GCNT2: variants seen among roughly 807,000 people sequenced by gnomAD.
GCNT2 encodes N-acetyllactosaminide beta-1,6-N-acetylglucosaminyl-transferase.
In GCNT2, 34 loss-of-function variants were observed where a neutral mutation model predicts 34.2. That is an observed-to-expected ratio of 1.00 (90% CI 0.76 to 1.32). The LOEUF is 1.32. Among genes scored for constraint, GCNT2 ranks in the 40% most tolerant of loss-of-function variants. The pLI, the probability that GCNT2 is intolerant of heterozygous loss-of-function variation, is 0.00. For missense variants in GCNT2, 584 were observed against 489.4 expected (o/e 1.19, Z -1.82); for synonymous variants, 212 against 188.0 (o/e 1.13, Z -1.04).
intron 4 of GCNT2, among the ~76,000 whole-genome samples, chr6:10,622,948 C>A (rs1037856558): frequency 2.6e-5 from 4 of 151,464 alleles, no homozygotes; most frequent in Admixed American, 6.6e-5. Flanking sequence ...AGAGACGGGG[C>A]TTCACCATGT....
At chr6:10,543,871 G>T (rs1581383969) in intron 3 of GCNT2, among the ~76,000 whole-genome samples, 1 of 152,134 alleles carries the variant, frequency 6.6e-6, no homozygotes, top group East Asian at 1.9e-4. Flanking sequence ...TCAGTGTCAA[G>T]ATGATTACAT....
intron 3 of GCNT2, among the ~76,000 whole-genome samples, chr6:10,533,604 A>G (rs1761602236): frequency 6.6e-6 from 1 of 151,692 alleles, no homozygotes; most frequent in Admixed American, 6.6e-5. Context: ...CCTGGCCAAC[A>G]TGGTGAAACC....
At chr6:10,593,341 T>C (rs1036338703) in intron 3 of GCNT2, among the ~76,000 whole-genome samples, 2 of 152,130 alleles carry the variant, frequency 1.3e-5, no homozygotes, top group African/African-American at 4.8e-5. Context: ...GTTGTTTTTG[T>C]CTTTGTTTTG....
At chr6:10,615,209 G>A (rs1243732110) in intron 3 of GCNT2, among the ~76,000 whole-genome samples, 1 of 152,180 alleles carries the variant, frequency 6.6e-6, no homozygotes, top group African/African-American at 2.4e-5. Context: ...CCTCCTCCCA[G>A]TGTTGCTTAC....
At chr6:10,554,154 T>TG (rs1470881405) in intron 3 of GCNT2, among the ~76,000 whole-genome samples, 2 of 152,202 alleles carry the variant, frequency 1.3e-5, no homozygotes, top group Non-Finnish European at 2.9e-5. Flanking sequence ...GCATGGTGTC[T>TG]GGATAAGCAG....
intron 4 of GCNT2, among the ~76,000 whole-genome samples, chr6:10,625,328 G>T (rs1439453295): frequency 1.3e-5 from 2 of 151,964 alleles, no homozygotes; most frequent in Non-Finnish European, 2.9e-5. Flanking sequence ...AATCTTTAAG[G>T]ACTGTCCATA....
intron 4 of GCNT2, among the ~76,000 whole-genome samples, chr6:10,625,817 C>T (rs977366061): frequency 1.3e-5 from 2 of 152,082 alleles, no homozygotes; most frequent in Non-Finnish European, 2.9e-5. Flanking sequence ...CCTGTACATG[C>T]ATATCTATGA....
chr6:10,624,819 C>T (rs190655851), intron 4 of GCNT2, among the ~76,000 whole-genome samples: 4 of 151,820 alleles, frequency 2.6e-5, no homozygotes, highest in Non-Finnish European at 5.9e-5. Flanking sequence ...ATCTGTGGGC[C>T]CCCTCTCTCA....
Position 10,521,384 on chromosome 6 carries a change from C to T in GCNT2, c.-502C>T, listed in dbSNP as rs1210263967. On this transcript the variant is annotated 5_prime_UTR_variant, in exon 1 of 5. Coordinates refer to ENST00000495262, the MANE Select transcript of GCNT2 (RefSeq NM_145649.5). ...TTACTGTGTTCACTGCTGGACGCCTCTGGGCAATCTTACCCTCCTGGGAAC... is the reference window on the plus strand; with the variant it reads ...TTACTGTGTTCACTGCTGGACGCCTTTGGGCAATCTTACCCTCCTGGGAAC... 1.3e-5 allele frequency: 2 copies of T among 153,044 alleles called. No individual in the cohort carries two copies. The highest frequency in any genetic ancestry group is 1.9e-4 in the East Asian group (1 of 5,192). 9.5% of individuals were successfully genotyped at this position (153,044 alleles called of 1,614,324 possible). A position where few individuals can be genotyped will look rare whatever the true frequency, so the allele number is the denominator to read the frequency against.
chr6:10,587,903 A>T (rs1764428322), intron 3 of GCNT2, among the ~76,000 whole-genome samples: 1 of 152,174 alleles, frequency 6.6e-6, no homozygotes, highest in African/African-American at 2.4e-5. Flanking sequence ...CTGTCTACAC[A>T]CACACACTGC....
chr6:10,541,575 A>G (rs982539619), intron 3 of GCNT2, among the ~76,000 whole-genome samples: 1 of 152,204 alleles, frequency 6.6e-6, no homozygotes, highest in African/African-American at 2.4e-5. Context: ...CTAGAAAAGT[A>G]AAATCATTAA....
At chr6:10,550,477 G>C (rs972886268) in intron 3 of GCNT2, among the ~76,000 whole-genome samples, 3 of 151,830 alleles carry the variant, frequency 2.0e-5, no homozygotes, top group Non-Finnish European at 4.4e-5. Context: ...GCTTTATCTG[G>C]GACCAAAATG....
intron 3 of GCNT2, chr6:10,556,833 C>G (rs539812897): frequency 6.2e-7 from 1 of 1,614,194 alleles, no homozygotes; most frequent in Non-Finnish European, 8.5e-7. Context: ...TTTAAAGATG[C>G]GGTAGAGCAA....
intron 3 of GCNT2, among the ~76,000 whole-genome samples, chr6:10,598,865 G>A (rs9356873): frequency 0.11 from 16,715 of 152,108 alleles, 1,098 homozygotes; most frequent in Middle Eastern, 0.17. Flanking sequence ...CTCAGTTTCT[G>A]TATATGTAAA....
chr6:10,577,638 T>G (rs1419552919), intron 3 of GCNT2, among the ~76,000 whole-genome samples: 1 of 152,200 alleles, frequency 6.6e-6, no homozygotes, highest in African/African-American at 2.4e-5. Context: ...CCTCCTGGGT[T>G]CAAGTGATTC....
chr6:10,591,146 G>A (rs540726220), intron 3 of GCNT2, among the ~76,000 whole-genome samples: 2 of 152,262 alleles, frequency 1.3e-5, no homozygotes, highest in South Asian at 4.1e-4. Flanking sequence ...CTCAGTATTT[G>A]AGCTCCTTAA....
intron 3 of GCNT2, among the ~76,000 whole-genome samples, chr6:10,579,661 C>G (rs929503293): frequency 6.6e-6 from 1 of 151,752 alleles, no homozygotes; most frequent in Non-Finnish European, 1.5e-5. Flanking sequence ...ACTAAAAATA[C>G]AAAAATCAGC....
chr6:10,591,165 A>G (rs1308387387), intron 3 of GCNT2, among the ~76,000 whole-genome samples: 1 of 152,210 alleles, frequency 6.6e-6, no homozygotes, highest in Admixed American at 6.5e-5. Flanking sequence ...AAGCATAAGA[A>G]AAGTGACATC....
chr6:10,574,280 G>A lies in GCNT2; in HGVS notation c.925+44444G>A, dbSNP rs78006930. 2.5e-3 allele frequency among the ~76,000 whole-genome samples: 387 copies of A among 152,230 alleles called. 2 individuals are homozygous for A. Among genetic ancestry groups the A allele is most frequent in the African/African-American group, 8.7e-3 (361 of 41,556 alleles). On this transcript the variant is annotated intron_variant, in intron 3 of 4. Coordinates refer to ENST00000495262, the MANE Select transcript of GCNT2 (RefSeq NM_145649.5). Reference sequence around the variant, plus strand: ...GTTACCTCCACCAGAAACCAGTTTCGGTGGGCATCAGGACAACATATATGC... The same window carrying A: ...GTTACCTCCACCAGAAACCAGTTTCAGTGGGCATCAGGACAACATATATGC...
Sources: allele counts gnomAD v4.1 joint callset (sites outside exome capture counted in the v4.1 genomes callset), GRCh38; gene constraint gnomAD v4.1.1; transcripts MANE v1.5; gene names NCBI Gene and HGNC (gene_info 2026-07-23, HGNC 2026-07-21).